Variants in DCST2 observed in about 807,000 individuals in gnomAD.
DCST2 encodes the protein DC-STAMP domain containing 2.
Under a neutral mutation model 81.8 loss-of-function variants are expected in DCST2, and 64 were observed. That is an observed-to-expected ratio of 0.78 (90% CI 0.64 to 0.96). The LOEUF (loss-of-function observed/expected upper bound fraction) is 0.96, where lower values mean the gene tolerates loss of function less well. DCST2 is among the 40% of genes least tolerant of loss of function. DCST2 has a pLI of 0.00. For synonymous variants in DCST2, 354 were observed against 402.6 expected, an observed-to-expected ratio of 0.88 and a Z score of 1.44; for missense variants, 945 against 1,001.4, an observed-to-expected ratio of 0.94 and a Z score of 0.76.
intron 2 of DCST2, 100 bp downstream of exon 2, chr1:155,032,994 T>C (rs1342462249): frequency 1.5e-6 from 2 of 1,338,016 alleles, no homozygotes; most frequent in South Asian, 1.5e-5. Context: ...TGCTCCGCGA[T>C]TAGCACCAGC....
In DCST2 at chr1:155,023,404, C is replaced by T. The variant is rs1404719161; in HGVS notation, c.1924G>A (p.Ala642Thr). Residue 642 changes from alanine (A) to threonine (T), a missense_variant, in exon 13 of 15, where the codon GCA becomes ACA. Physicochemically the swap from Ala to Thr is moderately conservative, Grantham distance 58 (BLOSUM62 0). Transcript: ENST00000368424. ...RLLDNTCSVC[A>T]SPLSYQGDLD... ...TCCCCCTGGTAGGAGAGGGGAGATG[C>T]ACACACGGAGCAGGTATTGTCCAGG... The T allele has an allele frequency of 6.2e-7, 1 of 1,607,794 alleles. No individual in the cohort carries two copies. Among genetic ancestry groups the T allele is most frequent in the East Asian group, 2.2e-5 (1 of 44,702 alleles).
intron 14 of DCST2, among the ~76,000 whole-genome samples, chr1:155,019,445 C>T (rs986576530): frequency 1.3e-5 from 2 of 152,196 alleles, no homozygotes; most frequent in Admixed American, 6.5e-5. Context: ...TTCTATTGAC[C>T]GTCATCTCTG....
At chr1:155,027,959 T>C (rs867203356) in intron 8 of DCST2, among the ~76,000 whole-genome samples, 5 of 144,144 alleles carry the variant, frequency 3.5e-5, no homozygotes, top group Admixed American at 7.0e-5. Flanking sequence ...AGTTTCACTC[T>C]TGTTGCCCAG....
chr1:155,031,816 GCCTCTT>G (rs1262028792), intron 3 of DCST2, 45 bp from the exon 4 acceptor site: 2 of 1,590,380 alleles, frequency 1.3e-6, no homozygotes, highest in Non-Finnish European at 1.7e-6. Context: ...GAATCCTACA[GCCTCTT>G]CTCAGGGTTT....
intron 11 of DCST2, 56 bp downstream of exon 11, chr1:155,024,416 T>C: frequency 1.3e-6 from 2 of 1,501,760 alleles, no homozygotes; most frequent in Non-Finnish European, 1.8e-6. Context: ...TTCCAACTCC[T>C]GGCTCTTTTT....
chr1:155,024,055 G>A, intron 11 of DCST2, 96 bp from the exon 12 acceptor site: 1 of 1,484,280 alleles, frequency 6.7e-7, no homozygotes. Context: ...AGGACTTCCT[G>A]ACTTCCTGCA....
rs754040467 is a variant in DCST2, at chr1:155,032,669, A to G, written c.539T>C (p.Ile180Thr). ...FRSIMDGVKHIARALRNVWQW... is the reference protein window; with the variant it reads ...FRSIMDGVKHTARALRNVWQW... ...GATAGACATGCTAATGTGCTTACCTATGTGTTTCACACCATCCATGATTGA... is the reference window on the plus strand; with the variant it reads ...GATAGACATGCTAATGTGCTTACCTGTGTGTTTCACACCATCCATGATTGA... The change falls in exon 3 of 15, where the codon ATA (isoleucine) becomes ACA (threonine). Residue 180 changes from isoleucine to threonine, a missense_variant and splice_region_variant. Coordinates refer to ENST00000368424, the MANE Select transcript of DCST2 (RefSeq NM_144622.3). The G allele has an allele frequency of 3.1e-6, 5 of 1,613,528 alleles. No homozygotes were observed. The highest frequency in any genetic ancestry group is 3.4e-6 in the Non-Finnish European group (4 of 1,179,742).
rs746588465 is a variant in DCST2, at chr1:155,023,202, C to T, written c.2020G>A (p.Asp674Asn). Residue 674 changes from aspartate (D) to asparagine (N), a missense_variant, in exon 14 of 15, where the codon GAC becomes AAC. Transcript: ENST00000368424. ...QLWLAAAQRKDPEQAWLLQQQ... is the reference protein window; with the variant it reads ...QLWLAAAQRKNPEQAWLLQQQ... ...TGCAATAACCATGCCTGCTCAGGGT[C>T]CTTCCTTTGAGCTGCAGCCAGCCAT... 2 of 1,614,182 alleles carry T rather than the reference C, an allele frequency of 1.2e-6. No homozygotes were observed. The highest frequency in any genetic ancestry group is 1.3e-5 in the African/African-American group (1 of 75,056).
intron 14 of DCST2, among the ~76,000 whole-genome samples, chr1:155,022,884 C>A (rs762312492): frequency 2.0e-5 from 3 of 152,208 alleles, no homozygotes; most frequent in Non-Finnish European, 4.4e-5. Flanking sequence ...TATCAGGGTG[C>A]TGTCCACCCT....
At chr1:155,030,667 G>A (rs1404621467) in intron 5 of DCST2, 22 bp from the exon 6 acceptor site, 1 of 1,613,212 alleles carries the variant, frequency 6.2e-7, no homozygotes, top group African/African-American at 1.3e-5. Flanking sequence ...AGGTTCAGGG[G>A]AGACGTGGGC....
At position 155,033,750 on chromosome 1, in the gene DCST2, T is replaced by G; in HGVS notation, c.-49A>C. On this transcript the variant is annotated 5_prime_UTR_variant, in exon 1 of 15. Transcript: ENST00000368424. ...CTGTCTCCAGGAGATGCCCGCTGAC[T>G]TCTGTGCTCCTGGAATTTCTCACCG... The G allele has an allele frequency of 2.5e-6, 4 of 1,582,506 alleles. No individual in the cohort carries two copies. Among genetic ancestry groups the G allele is most frequent in the Non-Finnish European group, 3.4e-6 (4 of 1,164,088 alleles).
At chr1:155,020,741 A>G (rs1659729852) in intron 14 of DCST2, among the ~76,000 whole-genome samples, 1 of 152,024 alleles carries the variant, frequency 6.6e-6, no homozygotes. Context: ...GATGCCATGA[A>G]AAATATTCCC....
chr1:155,018,954 T>G (rs1207669215), intron 14 of DCST2, among the ~76,000 whole-genome samples, 194 bp from the exon 15 acceptor site: 1 of 152,024 alleles, frequency 6.6e-6, no homozygotes, highest in African/African-American at 2.4e-5. Flanking sequence ...TGCTGGGGGG[T>G]GGGCAGTGAC....
chr1:155,027,794 C>T (rs1659955666), intron 8 of DCST2, among the ~76,000 whole-genome samples: 2 of 150,520 alleles, frequency 1.3e-5, no homozygotes, highest in Non-Finnish European at 3.0e-5. Context: ...AACTCCTGAC[C>T]TTAGGTGATC....
rs1266200424 is a variant in DCST2 at position 155,026,307 on chromosome 1, C to A, written c.1606G>T (p.Glu536Ter). 6 of 1,613,598 alleles carry A rather than the reference C, an allele frequency of 3.7e-6. No homozygotes were observed. The highest frequency in any genetic ancestry group is 5.1e-6 in the Non-Finnish European group (6 of 1,180,012). ...CCCAGCCCCGGACCCCTCACCTGCT[C>A]CCGGGATGGGTAGTAGGAGGCACAG... ...VICASYYPSR[E>*]QERISYLYNV... The change falls in exon 10 of 15, where the codon GAG becomes TAG. Residue 536 changes from glutamate (E) to a stop codon, truncating the protein, a stop_gained. Coordinates refer to ENST00000368424, the MANE Select transcript of DCST2 (RefSeq NM_144622.3). LOFTEE classifies it high-confidence loss of function.
chr1:155,032,524 C>T, intron 3 of DCST2, 143 bp downstream of exon 3: 1 of 609,688 alleles, frequency 1.6e-6, no homozygotes, highest in Non-Finnish European at 2.9e-6. Context: ...GCCATGTTGC[C>T]AAGGCTGGTC....
At chr1:155,031,841 AATACCACAGT>A in intron 3 of DCST2, 70 bp from the exon 4 acceptor site, 1 of 1,488,536 alleles carries the variant, frequency 6.7e-7, no homozygotes, top group Non-Finnish European at 9.2e-7. Context: ...TTTGGGGAAC[AATACCACAGT>A]ATCCAGGGCT....
At chr1:155,027,480 T>C (rs896091766) in intron 8 of DCST2, among the ~76,000 whole-genome samples, 1 of 150,098 alleles carries the variant, frequency 6.7e-6, no homozygotes, top group Non-Finnish European at 1.5e-5. Context: ...ACTGACTGTG[T>C]AGCAGACACT....
chr1:155,023,730 T>G, intron 12 of DCST2, 102 bp downstream of exon 12: 3 of 1,589,118 alleles, frequency 1.9e-6, no homozygotes, highest in Non-Finnish European at 2.6e-6. Flanking sequence ...GCACAAAAGA[T>G]GAGGTACAAG....
Sources: gnomAD v4.1 joint callset for allele counts (sites outside exome capture counted in the v4.1 genomes callset) on GRCh38, gnomAD v4.1.1 for gene constraint, MANE v1.5 for transcripts, NCBI Gene and HGNC (gene_info 2026-07-23, HGNC 2026-07-21) for gene names.